NAV3: variants seen among roughly 807,000 people sequenced by gnomAD.
The protein encoded by NAV3 is pore membrane and/or filament interacting like protein 1.
A neutral mutation model predicts 244.7 loss-of-function variants in NAV3; 87 were observed. That is an observed-to-expected ratio of 0.36 (90% CI 0.30 to 0.42). NAV3 has a LOEUF of 0.42. Ranked by LOEUF, NAV3 falls within the 20% of genes least tolerant of loss-of-function variation. The pLI, the probability that NAV3 is intolerant of heterozygous loss-of-function variation, is 1.00. For synonymous variants in NAV3, 1,126 were observed against 1,042.2 expected, an observed-to-expected ratio of 1.08 and a Z score of -1.55; for missense variants, 2,663 against 2,893.3, an observed-to-expected ratio of 0.92 and a Z score of 1.83.
chr12:77,885,208 T>C (rs1408422830), intron 1 of NAV3, among the ~76,000 whole-genome samples: 2 of 152,120 alleles, frequency 1.3e-5, no homozygotes, highest in African/African-American at 4.8e-5. Flanking sequence ...TTAATAAGTA[T>C]TTTAATACAC....
intron 2 of NAV3, among the ~76,000 whole-genome samples, chr12:77,696,735 C>T (rs1875318140): frequency 6.6e-6 from 1 of 152,130 alleles, no homozygotes; most frequent in African/African-American, 2.4e-5. Context: ...CTGAATAAGT[C>T]AATAATGACA....
intron 3 of NAV3, among the ~76,000 whole-genome samples, chr12:77,942,568 C>T (rs1393759629): frequency 6.6e-6 from 1 of 152,038 alleles, no homozygotes; most frequent in East Asian, 1.9e-4. Context: ...CTAAGTGACT[C>T]TGTGGGAATT....
intron 9 of NAV3, among the ~76,000 whole-genome samples, chr12:78,046,489 C>A (rs1489986413): frequency 6.6e-6 from 1 of 152,130 alleles, no homozygotes; most frequent in Non-Finnish European, 1.5e-5. Flanking sequence ...TCCTTATTTA[C>A]CCCGTGGTCA....
chr12:78,087,390 G>A (rs747717981), intron 12 of NAV3, among the ~76,000 whole-genome samples: 20 of 151,984 alleles, frequency 1.3e-4, no homozygotes, highest in Non-Finnish European at 2.5e-4. Context: ...GTCCTGTATA[G>A]CACAGAGGAG....
intron 30 of NAV3, among the ~76,000 whole-genome samples, chr12:78,182,924 C>T (rs553597585): frequency 6.6e-6 from 1 of 151,958 alleles, no homozygotes; most frequent in South Asian, 2.1e-4. Flanking sequence ...AACAGACAGA[C>T]TTTCTAAGTT....
At chr12:77,987,108 T>C (rs1870648843) in intron 5 of NAV3, among the ~76,000 whole-genome samples, 1 of 152,218 alleles carries the variant, frequency 6.6e-6, no homozygotes, top group African/African-American at 2.4e-5. Context: ...TTTTAAATAT[T>C]ATTTCTCTGT....
At chr12:77,660,234 G>A (rs907561510) in intron 2 of NAV3, among the ~76,000 whole-genome samples, 1 of 152,088 alleles carries the variant, frequency 6.6e-6, no homozygotes, top group Non-Finnish European at 1.5e-5. Flanking sequence ...CTTTAATTCA[G>A]CTACTACCAT....
chr12:77,925,127 A>C (rs1420006431), intron 1 of NAV3, among the ~76,000 whole-genome samples: 1 of 152,072 alleles, frequency 6.6e-6, no homozygotes, highest in Admixed American at 6.6e-5. Flanking sequence ...AAAAAAAACA[A>C]GATTGACTTA....
At chr12:77,882,451 A>T (rs1882771660) in intron 1 of NAV3, among the ~76,000 whole-genome samples, 1 of 152,136 alleles carries the variant, frequency 6.6e-6, no homozygotes, top group South Asian at 2.1e-4. Flanking sequence ...TAACGACTTA[A>T]ATGTAAGGCC....
intron 2 of NAV3, among the ~76,000 whole-genome samples, chr12:77,692,739 A>T (rs1242065026): frequency 6.6e-6 from 1 of 152,010 alleles, no homozygotes; most frequent in Admixed American, 6.6e-5. Flanking sequence ...TACAAAAGAA[A>T]TAATAGTGTG....
intron 2 of NAV3, chr12:77,775,853 A>T (rs1870329326): frequency 6.6e-6 from 1 of 152,256 alleles, no homozygotes; most frequent in South Asian, 2.1e-4. Flanking sequence ...AGGTAAATTT[A>T]CATCTGAAGC....
At chr12:77,867,586 AT>A (rs1024397002) in intron 1 of NAV3, among the ~76,000 whole-genome samples, 1 of 151,820 alleles carries the variant, frequency 6.6e-6, no homozygotes, top group Non-Finnish European at 1.5e-5. Context: ...CGCCCGGCTA[AT>A]TTTTTTGCAT....
At chr12:77,692,797 T>C (rs1875098340) in intron 2 of NAV3, among the ~76,000 whole-genome samples, 2 of 152,144 alleles carry the variant, frequency 1.3e-5, no homozygotes, top group Non-Finnish European at 2.9e-5. Context: ...TTATAAAGCT[T>C]AATAGTCCAT....
chr12:78,082,134 G>C (rs756147735), intron 12 of NAV3, among the ~76,000 whole-genome samples: 1 of 152,134 alleles, frequency 6.6e-6, no homozygotes, highest in African/African-American at 2.4e-5. Flanking sequence ...GCCCTCTTGC[G>C]TGCCACCATG....
intron 35 of NAV3, among the ~76,000 whole-genome samples, chr12:78,198,061 T>C (rs77727498): frequency 2.6e-5 from 4 of 152,000 alleles, no homozygotes; most frequent in African/African-American, 9.6e-5. Flanking sequence ...TAAAGATTCA[T>C]TGTGGCATGG....
chr12:77,627,516 T>C (rs1024988452), intron 2 of NAV3, among the ~76,000 whole-genome samples: 1 of 152,090 alleles, frequency 6.6e-6, no homozygotes, highest in African/African-American at 2.4e-5. Context: ...AGCAAATGGA[T>C]ACATTCCTGG....
At chr12:77,806,587 T>G (rs1247440410) in intron 2 of NAV3, among the ~76,000 whole-genome samples, 1 of 152,204 alleles carries the variant, frequency 6.6e-6, no homozygotes. Flanking sequence ...TACTTCCCAT[T>G]ATGTGGTCGA....
intron 22 of NAV3, among the ~76,000 whole-genome samples, chr12:78,155,114 A>G: frequency 6.6e-6 from 1 of 151,940 alleles, no homozygotes; most frequent in Non-Finnish European, 1.5e-5. Flanking sequence ...GCACAGATCA[A>G]CTCATCGCCT....
intron 29 of NAV3, among the ~76,000 whole-genome samples, chr12:78,180,320 T>C (rs1373455812): frequency 6.6e-6 from 1 of 152,114 alleles, no homozygotes; most frequent in African/African-American, 2.4e-5. Context: ...CATCTGCCAC[T>C]GTATATGTTC....
Sources: gnomAD v4.1 joint callset for allele counts (sites outside exome capture counted in the v4.1 genomes callset) on GRCh38, gnomAD v4.1.1 for gene constraint, MANE v1.5 for transcripts, NCBI Gene and HGNC (gene_info 2026-07-23, HGNC 2026-07-21) for gene names.